AK5: variants seen among roughly 807,000 people sequenced by gnomAD.
AK5 encodes the protein adenylate kinase isoenzyme 5.
In AK5, 27 loss-of-function variants were observed where a neutral mutation model predicts 69.5. The observed-to-expected ratio is 0.39, with a 90% CI of 0.29 to 0.54. AK5 has a LOEUF of 0.54. Ranked by LOEUF, AK5 falls within the 20% of genes least tolerant of loss-of-function variation. AK5 has a pLI of 0.71. For missense variants in AK5, 531 were observed against 700.4 expected, an observed-to-expected ratio of 0.76 and a Z score of 2.73; for synonymous variants, 260 against 244.4, an observed-to-expected ratio of 1.06 and a Z score of -0.60.
chr1:77,531,905 C>T (rs2803171), intron 12 of AK5, among the ~76,000 whole-genome samples: 5 of 151,612 alleles, frequency 3.3e-5, no homozygotes, highest in East Asian at 2.0e-4. Flanking sequence ...AGCCCTGCCC[C>T]GCGGGGAGGC....
intron 6 of AK5, among the ~76,000 whole-genome samples, chr1:77,367,579 A>ATATGTTATATATATAATATATATGAT (rs71075732): frequency 1.9e-5 from 1 of 53,364 alleles, no homozygotes; most frequent in African/African-American, 1.1e-4. Context: ...ATATATATAT[A>ATATGTTATATATATAATATATATGAT]ATATATATGT....
chr1:77,513,563 G>T (rs1657470162), intron 10 of AK5, among the ~76,000 whole-genome samples: 1 of 152,234 alleles, frequency 6.6e-6, no homozygotes, highest in South Asian at 2.1e-4. Context: ...TTTTAGGCCA[G>T]GCCCAGTGAC....
In AK5 at chr1:77,506,989, A is replaced by ACTCAG. The variant is rs1261683714; in HGVS notation, c.1148-11574_1148-11570dup. 2.0e-5 allele frequency among the ~76,000 whole-genome samples: 3 copies of ACTCAG among 151,922 alleles called. No homozygotes were observed. The East Asian group carries it at 5.8e-4, about 29-fold the overall frequency. ...ACTCCAGCCTGGGTAAGAGGTTGAG[A>ACTCAG]CTCAGTCTCAAAAAAAAAAACCACA... On this transcript the variant is annotated intron_variant, in intron 10 of 13. Transcript: ENST00000354567.
intron 5 of AK5, among the ~76,000 whole-genome samples, chr1:77,319,631 T>A (rs1285924251): frequency 6.6e-6 from 1 of 152,198 alleles, no homozygotes; most frequent in African/African-American, 2.4e-5. Context: ...CATAAACTAT[T>A]GTATTTCCTT....
intron 5 of AK5, 113 bp downstream of exon 5, chr1:77,298,060 G>A (rs1461494314): frequency 4.3e-6 from 3 of 701,898 alleles, no homozygotes; most frequent in Middle Eastern, 4.1e-4. Flanking sequence ...ATTCTGGTCT[G>A]AAAACAGGCA....
chr1:77,498,724 G>A (rs189618051), intron 10 of AK5, among the ~76,000 whole-genome samples: 1 of 152,320 alleles, frequency 6.6e-6, no homozygotes, highest in East Asian at 1.9e-4. Flanking sequence ...TCCAATGAGA[G>A]GGAGAGAGTC....
At chr1:77,475,399 ATATATATGTATATATATACTATATAT>A (rs1264108972) in intron 8 of AK5, among the ~76,000 whole-genome samples, 2 of 18,770 alleles carry the variant, frequency 1.1e-4, no homozygotes, top group African/African-American at 2.3e-4. Context: ...TATATATATA[ATATATATGTATATATATACTATATAT>A]TATATATATG....
intron 13 of AK5, 127 bp from the exon 14 acceptor site, chr1:77,558,475 T>TG (rs1329570565): frequency 3.4e-5 from 18 of 531,718 alleles, no homozygotes; most frequent in African/African-American, 3.3e-4. Flanking sequence ...TTCTCTGTGT[T>TG]TTGGGGGGGG....
intron 10 of AK5, among the ~76,000 whole-genome samples, chr1:77,486,899 A>T (rs1163173135): frequency 6.6e-6 from 1 of 152,212 alleles, no homozygotes; most frequent in Non-Finnish European, 1.5e-5. Flanking sequence ...TTAGCTCTAC[A>T]ATAACAAAGT....
chr1:77,402,910 C>T (rs1335505318), intron 6 of AK5, among the ~76,000 whole-genome samples: 1 of 152,202 alleles, frequency 6.6e-6, no homozygotes, highest in African/African-American at 2.4e-5. Flanking sequence ...ACAGTCCCAC[C>T]AACACTGTAA....
intron 8 of AK5, among the ~76,000 whole-genome samples, chr1:77,428,919 C>T (rs1349300103): frequency 6.6e-6 from 1 of 152,204 alleles, no homozygotes; most frequent in Non-Finnish European, 1.5e-5. Flanking sequence ...CATGTCCCTA[C>T]AAAGGACATG....
At chr1:77,508,456 A>G (rs1470973954) in intron 10 of AK5, among the ~76,000 whole-genome samples, 1 of 152,194 alleles carries the variant, frequency 6.6e-6, no homozygotes, top group Non-Finnish European at 1.5e-5. Flanking sequence ...TGGCAAAGGG[A>G]AAAGACCTGG....
chr1:77,331,732 T>C (rs1430430375), intron 5 of AK5, among the ~76,000 whole-genome samples: 1 of 152,212 alleles, frequency 6.6e-6, no homozygotes, highest in African/African-American at 2.4e-5. Context: ...TAAAATGAAT[T>C]GGAAAATATT....
chr1:77,446,142 G>A (rs773132109), intron 8 of AK5, among the ~76,000 whole-genome samples: 1 of 152,094 alleles, frequency 6.6e-6, no homozygotes, highest in Non-Finnish European at 1.5e-5. Flanking sequence ...TCACTCTTTT[G>A]CAAGTGGAAA....
At chr1:77,446,004 C>T (rs1652729366) in intron 8 of AK5, among the ~76,000 whole-genome samples, 1 of 152,130 alleles carries the variant, frequency 6.6e-6, no homozygotes, top group Admixed American at 6.5e-5. Context: ...TAAATCATTG[C>T]CAAGGCCAAT....
chr1:77,535,047 C>T (rs1357635261), intron 12 of AK5, among the ~76,000 whole-genome samples: 1 of 152,144 alleles, frequency 6.6e-6, no homozygotes, highest in African/African-American at 2.4e-5. Flanking sequence ...TCCACATGGC[C>T]TCTCCACATG....
At chr1:77,312,021 A>C (rs1015793813) in intron 5 of AK5, among the ~76,000 whole-genome samples, 1 of 152,174 alleles carries the variant, frequency 6.6e-6, no homozygotes, top group African/African-American at 2.4e-5. Context: ...GAAGCAAAAA[A>C]GAAATAATAA....
intron 7 of AK5, among the ~76,000 whole-genome samples, chr1:77,413,305 C>T (rs903930990): frequency 3.3e-5 from 5 of 152,156 alleles, no homozygotes; most frequent in African/African-American, 1.2e-4. Context: ...CTCTCCCAAC[C>T]CCATAGAGCC....
chr1:77,321,863 A>G (rs1660551693), intron 5 of AK5, among the ~76,000 whole-genome samples: 5 of 152,320 alleles, frequency 3.3e-5, no homozygotes, highest in Admixed American at 3.3e-4. Flanking sequence ...GTTGAAATAC[A>G]TGATTGTTTA....
Sources: gnomAD v4.1 joint callset for allele counts (sites outside exome capture counted in the v4.1 genomes callset) on GRCh38, gnomAD v4.1.1 for gene constraint, MANE v1.5 for transcripts, NCBI Gene and HGNC (gene_info 2026-07-23, HGNC 2026-07-21) for gene names.